FAT1: variants seen among roughly 807,000 people sequenced by gnomAD.
FAT1 encodes the protein protocadherin Fat 1.
Under a neutral mutation model 329.8 loss-of-function variants are expected in FAT1, and 171 were observed. The observed-to-expected ratio is 0.52, with a 90% CI of 0.46 to 0.59. The LOEUF (loss-of-function observed/expected upper bound fraction) is 0.59. FAT1 is among the 20% of genes least tolerant of loss of function. The pLI is 0.00. For missense variants in FAT1, 5,672 were observed against 5,774.4 expected, an observed-to-expected ratio of 0.98 and a Z score of 0.57; for synonymous variants, 2,233 against 2,228.6, an observed-to-expected ratio of 1.00 and a Z score of -0.06.
At chr4:186,655,558 C>T (rs1741865793) in intron 3 of FAT1, among the ~76,000 whole-genome samples, 1 of 152,026 alleles carries the variant, frequency 6.6e-6, no homozygotes, top group South Asian at 2.1e-4. Context: ...CCTCAGCCTC[C>T]CAAGTAGCTG....
At chr4:186,593,938 C>T (rs564253538) in intron 26 of FAT1, among the ~76,000 whole-genome samples, 6 of 152,266 alleles carry the variant, frequency 3.9e-5, no homozygotes, top group Admixed American at 6.5e-5. Context: ...TTTCAGTTTA[C>T]AACTGATAAT....
intron 2 of FAT1, among the ~76,000 whole-genome samples, chr4:186,677,187 C>T: frequency 6.6e-6 from 1 of 152,188 alleles, no homozygotes; most frequent in East Asian, 1.9e-4. Context: ...GAACTACTTA[C>T]AAGCAGTGTT....
At position 186,611,371 on chromosome 4, in the gene FAT1, T is replaced by C. The variant is rs778787123; in HGVS notation, c.9853+15A>G. On this transcript the variant is annotated intron_variant, in intron 14 of 26. Transcript: ENST00000441802. ...GTGGAATGAAGGGTTTCCTCTCAGA[T>C]ACATGGTAGGTTACCTGTTTTAGAA... 1 of 1,587,902 alleles carries C rather than the reference T, an allele frequency of 6.3e-7. No homozygotes were observed. The highest frequency in any genetic ancestry group is 2.2e-5 in the East Asian group (1 of 44,678).
chr4:186,677,701 G>A (rs1408368260), intron 2 of FAT1, among the ~76,000 whole-genome samples: 3 of 151,892 alleles, frequency 2.0e-5, no homozygotes, highest in Admixed American at 1.3e-4. Flanking sequence ...GGTAACTGTG[G>A]GGCAGACAAA....
chr4:186,632,384 C>T (rs990033901), intron 7 of FAT1, among the ~76,000 whole-genome samples: 6 of 152,260 alleles, frequency 3.9e-5, no homozygotes, highest in Admixed American at 1.3e-4. Context: ...AGTTATACCC[C>T]TTAAATCCTT....
At position 186,707,408 on chromosome 4, in the gene FAT1, A is replaced by T. The variant is rs1258514405; in HGVS notation, c.2420T>A (p.Leu807His). 5.6e-6 allele frequency: 9 copies of T among 1,614,028 alleles called. No individual in the cohort carries two copies. The highest frequency in any genetic ancestry group is 7.6e-6 in the Non-Finnish European group (9 of 1,179,896). Reference protein sequence around the residue: ...LGIPQKAAWRLLHVVVVDAND... With the variant: ...LGIPQKAAWRHLHVVVVDAND... ...GGCATCGACAACCACGACATGTAGAAGACGCCACGCAGCCTTCTGGGGTAT... is the reference window on the plus strand; with the variant it reads ...GGCATCGACAACCACGACATGTAGATGACGCCACGCAGCCTTCTGGGGTAT... Residue 807 changes from leucine (L) to histidine (H), a missense_variant, in exon 2 of 27, where the codon CTT becomes CAT. By Grantham distance (99) the Leu-to-His change is moderately conservative (BLOSUM62 -3). Coordinates refer to ENST00000441802, the MANE Select transcript of FAT1 (RefSeq NM_005245.4).
rs374018937 is a variant in FAT1, at chr4:186,706,927, C to T, written c.2901G>A (p.Leu967=). 638 of 1,613,884 alleles carry T rather than the reference C, an allele frequency of 4.0e-4. 1 individual carries two copies. The highest frequency in any genetic ancestry group is 5.1e-4 in the Non-Finnish European group (596 of 1,179,908). ...CATCGAAGTTTCCTTCTCCGTGGTC[C>T]AGAAGGCTGTATCTCACCTGACCAG... ...GQSGQVRYSL[L]DHGEGNFDVD... The change falls in exon 2 of 27, where the codon CTG becomes CTA. Residue 967 remains leucine (L), a synonymous_variant. Coordinates refer to ENST00000441802, the MANE Select transcript of FAT1 (RefSeq NM_005245.4).
At chr4:186,622,273 T>G (rs1740082254) in intron 9 of FAT1, among the ~76,000 whole-genome samples, 1 of 152,248 alleles carries the variant, frequency 6.6e-6, no homozygotes, top group Non-Finnish European at 1.5e-5. Flanking sequence ...TAAATGTGTG[T>G]AACCCACCCC....
chr4:186,642,168 C>T (rs550324751), intron 3 of FAT1, among the ~76,000 whole-genome samples: 5 of 152,206 alleles, frequency 3.3e-5, no homozygotes, highest in African/African-American at 7.2e-5. Flanking sequence ...TAATATTAGC[C>T]CCTTTCTTTC....
intron 2 of FAT1, among the ~76,000 whole-genome samples, 177 bp from the exon 3 acceptor site, chr4:186,663,790 CAAT>C (rs1560976315): frequency 6.6e-6 from 1 of 152,076 alleles, no homozygotes; most frequent in African/African-American, 2.4e-5. Flanking sequence ...AAAATAGAGA[CAAT>C]AATAGTATAT....
intron 2 of FAT1, among the ~76,000 whole-genome samples, chr4:186,703,488 G>T (rs1419403089): frequency 1.3e-5 from 2 of 152,206 alleles, no homozygotes; most frequent in African/African-American, 2.4e-5. Flanking sequence ...GTTGAAATAG[G>T]TAAAATATGA....
Position 186,620,014 on chromosome 4 carries a change from A to G in FAT1, c.6572T>C (p.Ile2191Thr). 2 of 1,614,014 alleles carry G rather than the reference A, an allele frequency of 1.2e-6. No homozygotes were observed. Among genetic ancestry groups the G allele is most frequent in the East Asian group, 4.5e-5 (2 of 44,870 alleles). ...VFEKPFYSAE[I>T]AESIQVHSPV... is the part of the protein sequence containing the mutation. ...GCTGTGCACCTGGATGCTCTCTGCA[A>G]TCTCTGCACTGTAGAAAGGTTTTTC... is the stretch of plus-strand genomic sequence containing the variant. Residue 2191 changes from isoleucine to threonine, a missense_variant, in exon 10 of 27, where the codon ATT becomes ACT. By Grantham distance (89) the Ile-to-Thr change is moderately conservative. Around this residue, in one of 2 missense-constraint regions of FAT1, gnomAD observed 3,966 missense variants for 3,915.2 expected, o/e 1.01. Coordinates refer to ENST00000441802, the MANE Select transcript of FAT1 (RefSeq NM_005245.4).
chr4:186,628,003 T>C, intron 9 of FAT1, 151 bp downstream of exon 9: 1 of 856,502 alleles, frequency 1.2e-6, no homozygotes, highest in Non-Finnish European at 1.8e-6. Context: ...AATTCCTTTC[T>C]CCTAACATGT....
intron 3 of FAT1, among the ~76,000 whole-genome samples, chr4:186,643,014 A>C (rs1741173388): frequency 6.6e-6 from 1 of 152,198 alleles, no homozygotes; most frequent in South Asian, 2.1e-4. Context: ...CTCACATGTA[A>C]CTGTAAACTA....
Position 186,628,606 on chromosome 4 carries a change from T to C in FAT1, c.4481A>G (p.Gln1494Arg), listed in dbSNP as rs2126544490. 6.2e-7 allele frequency: 1 copy of C among 1,614,006 alleles called. No homozygotes were observed. The change falls in exon 8 of 27, where the codon CAG becomes CGG. Residue 1494 changes from glutamine (Q) to arginine (R), a missense_variant. Gln to Arg is a conservative substitution (Grantham distance 43). Coordinates refer to ENST00000441802, the MANE Select transcript of FAT1 (RefSeq NM_005245.4). ...GAGACTCAGTGGATCTCTACTGCTCTGCAGAGTGTAGATTAGTTTGTTTTT... is the reference window on the plus strand; with the variant it reads ...GAGACTCAGTGGATCTCTACTGCTCCGCAGAGTGTAGATTAGTTTGTTTTT... The part of the protein sequence containing the change: ...DEKNKLIYTL[Q>R]SSRDPLSLKK...
At chr4:186,702,589 A>C (rs2126676691) in intron 2 of FAT1, among the ~76,000 whole-genome samples, 1 of 152,306 alleles carries the variant, frequency 6.6e-6, no homozygotes, top group East Asian at 1.9e-4. Flanking sequence ...TTTCTACAAA[A>C]TCTTCTGGCC....
In FAT1 at chr4:186,708,855, A is replaced by C; in HGVS notation, c.973T>G (p.Trp325Gly). Reference protein sequence around the residue: ...YKVKAIGGIDWDSHPFGYNLT... With the variant: ...YKVKAIGGIDGDSHPFGYNLT... ...TTGTAGCCGAAAGGATGACTGTCCC[A>C]ATCAATGCCACCGATGGCTTTGACT... Residue 325 changes from tryptophan (W) to glycine (G), a missense_variant, in exon 2 of 27, where the codon TGG (tryptophan) becomes GGG (glycine). Trp to Gly is a radical substitution (Grantham distance 184). Coordinates refer to ENST00000441802, the MANE Select transcript of FAT1 (RefSeq NM_005245.4). 1 of 1,613,980 alleles carries C rather than the reference A, an allele frequency of 6.2e-7. No homozygotes were observed. Among genetic ancestry groups the C allele is most frequent in the Non-Finnish European group, 8.5e-7 (1 of 1,179,894 alleles).
chr4:186,617,287 G>A, intron 10 of FAT1, 86 bp from the exon 11 acceptor site: 2 of 923,768 alleles, frequency 2.2e-6, no homozygotes, highest in South Asian at 2.0e-5. Context: ...TACAAAAGAT[G>A]TATAATGTTA....
At chr4:186,632,095 G>A (rs946683270) in intron 7 of FAT1, among the ~76,000 whole-genome samples, 4 of 152,148 alleles carry the variant, frequency 2.6e-5, no homozygotes, top group African/African-American at 9.7e-5. Context: ...AAGTATAAAG[G>A]AAGCAATGAA....
Sources: gnomAD v4.1 joint callset for allele counts (sites outside exome capture counted in the v4.1 genomes callset) on GRCh38, gnomAD v4.1.1 for gene constraint, gnomAD v4.1.1 regional missense constraint, MANE v1.5 for transcripts, NCBI Gene and HGNC (gene_info 2026-07-23, HGNC 2026-07-21) for gene names.